Variants in FOCAD observed in about 807,000 individuals in gnomAD.
FOCAD encodes the protein focadhesin.
Under a neutral mutation model 225.6 loss-of-function variants are expected in FOCAD, and 198 were observed. That is an observed-to-expected ratio of 0.88 (90% CI 0.78 to 0.99). The LOEUF is 0.99. FOCAD is among the 50% of genes least tolerant of loss of function. The pLI, the probability that FOCAD is intolerant of heterozygous loss-of-function variation, is 0.00. For missense variants in FOCAD, 2,713 were observed against 2,123.6 expected (o/e 1.28, Z -5.46); for synonymous variants, 897 against 755.0 (o/e 1.19, Z -3.08).
At chr9:20,814,353 CT>C (rs1178890036) in intron 11 of FOCAD, among the ~76,000 whole-genome samples, 1 of 150,204 alleles carries the variant, frequency 6.7e-6, no homozygotes, top group Non-Finnish European at 1.5e-5. Flanking sequence ...TTTCTTTTTT[CT>C]TTTTTTCTTT....
At chr9:20,947,677 G>GA (rs779309895) in intron 30 of FOCAD, among the ~76,000 whole-genome samples, 38 of 151,564 alleles carry the variant, frequency 2.5e-4, no homozygotes, top group African/African-American at 4.4e-4. Flanking sequence ...TAAAAAAACT[G>GA]AAAAAAAACA....
At chr9:20,984,619 C>T (rs1376373583) in intron 39 of FOCAD, among the ~76,000 whole-genome samples, 1 of 152,160 alleles carries the variant, frequency 6.6e-6, no homozygotes, top group Non-Finnish European at 1.5e-5. Context: ...CAGCTGGATT[C>T]TCATGGCAGC....
chr9:20,899,675 G>A (rs963768808), intron 21 of FOCAD, among the ~76,000 whole-genome samples: 1 of 151,938 alleles, frequency 6.6e-6, no homozygotes, highest in African/African-American at 2.4e-5. Flanking sequence ...TACTTCTTGA[G>A]CTACATGGTT....
intron 28 of FOCAD, among the ~76,000 whole-genome samples, chr9:20,935,003 C>A (rs1564173649): frequency 6.6e-6 from 1 of 152,188 alleles, no homozygotes; most frequent in Admixed American, 6.5e-5. Flanking sequence ...ATCCCATGCT[C>A]ATAGATGGGT....
At chr9:20,685,205 T>G (rs566644950) in intron 1 of FOCAD, among the ~76,000 whole-genome samples, 34 of 152,030 alleles carry the variant, frequency 2.2e-4, no homozygotes, top group African/African-American at 3.4e-4. Flanking sequence ...AATTTTTTTT[T>G]TTTTTGTTAT....
At chr9:20,813,963 A>G (rs1421610245) in intron 11 of FOCAD, among the ~76,000 whole-genome samples, 1 of 152,164 alleles carries the variant, frequency 6.6e-6, no homozygotes, top group Admixed American at 6.6e-5. Context: ...TGACCCATTT[A>G]TCATTATATA....
intron 5 of FOCAD, among the ~76,000 whole-genome samples, chr9:20,752,205 C>G (rs892117033): frequency 6.6e-6 from 1 of 151,396 alleles, no homozygotes; most frequent in African/African-American, 2.4e-5. Context: ...GCCATTGCTT[C>G]CAGTGTTTTA....
intron 1 of FOCAD, among the ~76,000 whole-genome samples, chr9:20,709,927 C>G (rs1317931532): frequency 6.6e-6 from 1 of 152,202 alleles, no homozygotes; most frequent in Non-Finnish European, 1.5e-5. Context: ...TGGCCCACCT[C>G]CTGAAAACAA....
At chr9:20,813,554 A>C (rs765565989) in intron 11 of FOCAD, among the ~76,000 whole-genome samples, 31 of 152,156 alleles carry the variant, frequency 2.0e-4, no homozygotes, top group Non-Finnish European at 4.3e-4. Flanking sequence ...ACCAGGTATG[A>C]GGTGACATCT....
At chr9:20,858,670 A>T (rs1210593571) in intron 15 of FOCAD, among the ~76,000 whole-genome samples, 1 of 151,804 alleles carries the variant, frequency 6.6e-6, no homozygotes, top group Non-Finnish European at 1.5e-5. Flanking sequence ...GTTATTTAAG[A>T]TGTATTGTTA....
At chr9:20,693,151 A>G (rs1175174285) in intron 1 of FOCAD, among the ~76,000 whole-genome samples, 3 of 151,936 alleles carry the variant, frequency 2.0e-5, no homozygotes, top group South Asian at 2.1e-4. Context: ...TGCCTCTCCA[A>G]CTCCATTTAC....
At chr9:20,661,682 A>G (rs1049363521) in intron 2 of FOCAD, among the ~76,000 whole-genome samples, 1 of 152,246 alleles carries the variant, frequency 6.6e-6, no homozygotes, top group Non-Finnish European at 1.5e-5. Flanking sequence ...TCTAATTTTC[A>G]TATTGCTAAA....
chr9:20,840,681 G>A (rs553466603), intron 15 of FOCAD, among the ~76,000 whole-genome samples: 1 of 150,934 alleles, frequency 6.6e-6, no homozygotes, highest in Non-Finnish European at 1.5e-5. Context: ...TGCAAAATAA[G>A]GTAATTTGAC....
chr9:20,981,821 A>T, intron 38 of FOCAD, 135 bp downstream of exon 38: 1 of 975,488 alleles, frequency 1.0e-6, no homozygotes, highest in Non-Finnish European at 1.5e-6. Flanking sequence ...ATTCTTTACT[A>T]GGAGTGTATT....
At chr9:20,808,385 G>A (rs879386849) in intron 11 of FOCAD, among the ~76,000 whole-genome samples, 12 of 152,188 alleles carry the variant, frequency 7.9e-5, no homozygotes, top group Admixed American at 1.3e-4. Context: ...CACCTGTAAG[G>A]CATTCACAGG....
Position 20,838,090 on chromosome 9 carries a change from A to G in FOCAD, c.1920+14975A>G, listed in dbSNP as rs559110091. Among the ~76,000 whole-genome samples the G allele has an allele frequency of 1.3e-4, 20 of 152,272 alleles. No homozygotes were observed. In the East Asian group the frequency reaches 2.1e-3, roughly 16 times the overall value. On this transcript the variant is annotated intron_variant, in intron 15 of 43. Transcript: ENST00000338382. ...CCAGAAATTGTATTTAAACAATGCA[A>G]TGTATACCTTTTCTTTTAAAGGTGT...
intron 31 of FOCAD, 129 bp from the exon 32 acceptor site, chr9:20,948,722 A>T: frequency 2.1e-6 from 2 of 958,096 alleles, no homozygotes. Context: ...GTTCAGTTAT[A>T]CAGGTTACGT....
At chr9:20,830,922 C>G (rs540644257) in intron 15 of FOCAD, among the ~76,000 whole-genome samples, 10 of 152,174 alleles carry the variant, frequency 6.6e-5, no homozygotes, top group Non-Finnish European at 8.8e-5. Flanking sequence ...AAGCAGTCCT[C>G]TCACCTTGGC....
At chr9:20,845,157 CT>C (rs1268799589) in intron 15 of FOCAD, among the ~76,000 whole-genome samples, 1 of 151,962 alleles carries the variant, frequency 6.6e-6, no homozygotes, top group Non-Finnish European at 1.5e-5. Flanking sequence ...CAATCAGTTT[CT>C]ACTTATTAGA....
Sources: allele counts gnomAD v4.1 joint callset (sites outside exome capture counted in the v4.1 genomes callset), GRCh38; gene constraint gnomAD v4.1.1; transcripts MANE v1.5; gene names NCBI Gene and HGNC (gene_info 2026-07-23, HGNC 2026-07-21).